CCDC18: variants seen among roughly 807,000 people sequenced by gnomAD.
CCDC18 encodes the protein coiled-coil domain containing 18, also known as coiled-coil domain-containing protein 18.
In CCDC18, 157 loss-of-function variants were observed where a neutral mutation model predicts 196.0. The observed-to-expected ratio is 0.80, with a 90% confidence interval of 0.70 to 0.91. The LOEUF (loss-of-function observed/expected upper bound fraction) is 0.91, where lower values mean the gene tolerates loss of function less well. CCDC18 is among the 40% of genes least tolerant of loss of function. The pLI is 0.00. For synonymous variants in CCDC18, 482 were observed against 529.2 expected, an observed-to-expected ratio of 0.91 and a Z score of 1.22; for missense variants, 1,465 against 1,611.6, an observed-to-expected ratio of 0.91 and a Z score of 1.56.
At chr1:93,216,491 T>C (rs1480895057) in intron 12 of CCDC18, 145 bp from the exon 13 acceptor site, 10 of 458,106 alleles carry the variant, frequency 2.2e-5, no homozygotes, top group Non-Finnish European at 3.5e-5. Context: ...TCACTTTGCA[T>C]CCTAAATGTT....
chr1:93,246,200 C>G lies in CCDC18; in HGVS notation c.3077C>G (p.Ala1026Gly), dbSNP rs747322232. 6 of 1,593,736 alleles carry G rather than the reference C, an allele frequency of 3.8e-6. No individual in the cohort carries two copies. The East Asian group carries it at 1.1e-4, about 30-fold the overall frequency. The change falls in exon 22 of 29, where the codon GCT becomes GGT. Residue 1026 changes from alanine (A) to glycine (G), a missense_variant. By Grantham distance (60) the Ala-to-Gly change is moderately conservative (BLOSUM62 0). Transcript: ENST00000690025. ...AATTGGGAACTAAAGCAAAGAGCAG[C>G]TCAGGTTGATTTTTCTTGATTATAT... ...ERNWELKQRA[A>G]QVTHLDMTIR...
At chr1:93,184,868 A>G (rs1650357256) in intron 3 of CCDC18, among the ~76,000 whole-genome samples, 1 of 152,010 alleles carries the variant, frequency 6.6e-6, no homozygotes, top group Admixed American at 6.5e-5. Flanking sequence ...TTTTAGAAAC[A>G]AATTCAAATT....
At chr1:93,230,961 C>T (rs934451113) in intron 17 of CCDC18, among the ~76,000 whole-genome samples, 1 of 152,126 alleles carries the variant, frequency 6.6e-6, no homozygotes, top group African/African-American at 2.4e-5. Context: ...CAGAATTAAA[C>T]AAAACATATT....
chr1:93,220,553 C>T (rs958713616), intron 14 of CCDC18, among the ~76,000 whole-genome samples: 2 of 152,106 alleles, frequency 1.3e-5, no homozygotes, highest in African/African-American at 2.4e-5. Context: ...TGATATAATA[C>T]ATGTGACAAC....
Position 93,192,016 on chromosome 1 carries a change from C to G in CCDC18, c.479C>G (p.Ser160Cys). 6.2e-7 allele frequency: 1 copy of G among 1,612,652 alleles called. No individual in the cohort carries two copies. Among genetic ancestry groups the G allele is most frequent in the Non-Finnish European group, 8.5e-7 (1 of 1,178,826 alleles). Residue 160 changes from serine to cysteine, a missense_variant, in exon 5 of 29, where the codon TCT becomes TGT. Coordinates refer to ENST00000690025, the MANE Select transcript of CCDC18 (RefSeq NM_001378204.1). ...QSRAKVSMLESAQQQAASVPI... is the reference protein window; with the variant it reads ...QSRAKVSMLECAQQQAASVPI... ...ATGTTTTAGGTTTCTATGCTTGAGT[C>G]TGCTCAACAGCAGGCAGCCAGTGTC...
At chr1:93,215,341 CA>C (rs1407022318) in intron 12 of CCDC18, among the ~76,000 whole-genome samples, 1 of 152,006 alleles carries the variant, frequency 6.6e-6, no homozygotes, top group Non-Finnish European at 1.5e-5. Flanking sequence ...CAAATTTTAG[CA>C]AACCCCAAAC....
rs1485850158 is a variant in CCDC18 at position 93,246,192 on chromosome 1, AAGAGCAG to A, written c.3070_3076del (p.Arg1024LeufsTer8). 6 of 1,603,092 alleles carry A rather than the reference AAGAGCAG, an allele frequency of 3.7e-6. No homozygotes were observed. In the African/African-American group the frequency reaches 8.1e-5, roughly 22 times the overall value. ...AAGAGAGAAATTGGGAACTAAAGCA[AAGAGCAG>A]CTCAGGTTGATTTTTCTTGATTATA... On this transcript the variant is annotated frameshift_variant, in exon 22 of 29. Coordinates refer to ENST00000690025, the MANE Select transcript of CCDC18 (RefSeq NM_001378204.1). LOFTEE classifies it high-confidence loss of function.
intron 25 of CCDC18, among the ~76,000 whole-genome samples, chr1:93,257,299 C>T (rs1262652989): frequency 7.7e-6 from 1 of 130,198 alleles, no homozygotes; most frequent in African/African-American, 2.9e-5. Flanking sequence ...AAATTTGTAA[C>T]TTTTAGGAAA....
intron 18 of CCDC18, among the ~76,000 whole-genome samples, chr1:93,233,019 A>G (rs1659484032): frequency 6.6e-6 from 1 of 152,174 alleles, no homozygotes; most frequent in African/African-American, 2.4e-5. Flanking sequence ...ATTATAAGAA[A>G]TACTCTATAC....
rs6671070 is a variant in CCDC18, at chr1:93,217,906, G to A, written c.1962+37G>A. 0.017 allele frequency: 26,506 copies of A among 1,540,826 alleles called. 3,623 individuals carry two copies. In the African/African-American group the frequency reaches 0.31, roughly 18 times the overall value. Reference sequence around the variant, plus strand: ...ATATTTAGAATATGAGTGCTGAAAAGAAACTTAAACATTACTAGCCCCAGC... The same window carrying A: ...ATATTTAGAATATGAGTGCTGAAAAAAAACTTAAACATTACTAGCCCCAGC... On this transcript the variant is annotated intron_variant, in intron 14 of 28. Coordinates refer to ENST00000690025, the MANE Select transcript of CCDC18 (RefSeq NM_001378204.1).
chr1:93,231,219 A>G (rs1659192126), intron 17 of CCDC18, among the ~76,000 whole-genome samples: 1 of 152,196 alleles, frequency 6.6e-6, no homozygotes, highest in Non-Finnish European at 1.5e-5. Context: ...TTTTGGAATG[A>G]TATTTACTGG....
rs199751983 is a variant in CCDC18 at position 93,217,718 on chromosome 1, A to G, written c.1831-20A>G. ...CCTCCCAAATCAATTATACTCCTTT[A>G]AAGTGTTTTGTGTTTCTAGGAAAAG... On this transcript the variant is annotated intron_variant, in intron 13 of 28. Transcript: ENST00000690025. The G allele has an allele frequency of 4.6e-5, 73 of 1,593,504 alleles. No homozygotes were observed. The Admixed American group carries it at 1.3e-3, about 28-fold the overall frequency.
intron 4 of CCDC18, chr1:93,190,723 A>G: frequency 2.1e-6 from 1 of 466,310 alleles, no homozygotes; most frequent in Non-Finnish European, 3.9e-6. Context: ...TCTTCATAAT[A>G]AAACAAAAGA....
At chr1:93,222,033 G>GATGATAACTC (rs1399417368) in intron 16 of CCDC18, 97 bp downstream of exon 16, 6 of 765,142 alleles carry the variant, frequency 7.8e-6, no homozygotes, top group African/African-American at 1.9e-5. Flanking sequence ...GCAGTGGCAT[G>GATGATAACTC]ATGATAACTC....
chr1:93,220,806 G>C (rs1234430154), intron 14 of CCDC18, among the ~76,000 whole-genome samples: 2 of 152,076 alleles, frequency 1.3e-5, no homozygotes, highest in African/African-American at 4.8e-5. Context: ...ATAGGCCTCA[G>C]TATGTGTTGT....
At chr1:93,188,814 T>A (rs933221769) in intron 4 of CCDC18, among the ~76,000 whole-genome samples, 1 of 152,156 alleles carries the variant, frequency 6.6e-6, no homozygotes, top group Non-Finnish European at 1.5e-5. Flanking sequence ...GTTCTGGAAA[T>A]TTTTCTGTTT....
intron 27 of CCDC18, among the ~76,000 whole-genome samples, chr1:93,268,583 G>GAAA (rs1423340404): frequency 1.9e-5 from 2 of 107,112 alleles, no homozygotes; most frequent in Non-Finnish European, 3.4e-5. Context: ...AAATTTACAA[G>GAAA]AAAAAAACAA....
chr1:93,273,220 C>G (rs1030073334), intron 28 of CCDC18, among the ~76,000 whole-genome samples: 2 of 152,122 alleles, frequency 1.3e-5, no homozygotes, highest in African/African-American at 4.8e-5. Context: ...AGGCGCCCGC[C>G]ACCACGCCCG....
At chr1:93,257,578 A>G (rs1384229871) in intron 25 of CCDC18, among the ~76,000 whole-genome samples, 2 of 151,774 alleles carry the variant, frequency 1.3e-5, no homozygotes, top group African/African-American at 4.8e-5. Context: ...AAATATTTTT[A>G]CCTTTAATTT....
Sources: allele counts gnomAD v4.1 joint callset (sites outside exome capture counted in the v4.1 genomes callset), GRCh38; gene constraint gnomAD v4.1.1; transcripts MANE v1.5; gene names NCBI Gene and HGNC (gene_info 2026-07-23, HGNC 2026-07-21).